Variants in RAB38 observed in about 807,000 individuals in gnomAD.
RAB38 encodes ras-related protein Rab-38.
A neutral mutation model predicts 18.4 loss-of-function variants in RAB38; 15 were observed. The observed-to-expected ratio is 0.82, with a 90% confidence interval of 0.55 to 1.26. The LOEUF (loss-of-function observed/expected upper bound fraction) is 1.26. Among genes scored for constraint, RAB38 ranks in the 50% most tolerant of loss-of-function variants. The probability of loss-of-function intolerance (pLI) is 0.00; values close to 1 mark genes in which losing one functional copy is unlikely to be tolerated. For missense variants in RAB38, 294 were observed against 267.4 expected, an observed-to-expected ratio of 1.10 and a Z score of -0.69; for synonymous variants, 101 against 104.4, an observed-to-expected ratio of 0.97 and a Z score of 0.20.
the RAB38 span, among the ~76,000 whole-genome samples, chr11:87,953,570 T>A: frequency 6.6e-6 from 1 of 152,212 alleles, no homozygotes; most frequent in African/African-American, 2.4e-5. Flanking sequence ...TATAATTGTT[T>A]ACATTATTAT....
chr11:87,848,982 C>T, the RAB38 span, among the ~76,000 whole-genome samples: 1 of 152,030 alleles, frequency 6.6e-6, no homozygotes, highest in African/African-American at 2.4e-5. Flanking sequence ...TGTCCATAGC[C>T]TGCTTGTTAC....
the RAB38 span, among the ~76,000 whole-genome samples, chr11:88,023,149 T>C: frequency 1.3e-5 from 2 of 151,444 alleles, no homozygotes; most frequent in Non-Finnish European, 2.9e-5. Context: ...CCCCTAAACA[T>C]AAAAGTTAAA....
At chr11:88,013,480 G>A in the RAB38 span, among the ~76,000 whole-genome samples, 1 of 152,088 alleles carries the variant, frequency 6.6e-6, no homozygotes, top group Admixed American at 6.6e-5. Flanking sequence ...GGAACAAAAG[G>A]AAAATAACCA....
chr11:87,905,560 C>G, the RAB38 span, among the ~76,000 whole-genome samples: 1 of 151,866 alleles, frequency 6.6e-6, no homozygotes, highest in African/African-American at 2.4e-5. Context: ...TACATTTGGA[C>G]TAGAGTAGCC....
At chr11:87,804,972 C>T in the RAB38 span, among the ~76,000 whole-genome samples, 4 of 152,182 alleles carry the variant, frequency 2.6e-5, no homozygotes, top group African/African-American at 9.6e-5. Context: ...CTCAATATCT[C>T]AGCCTTGTGA....
the RAB38 span, among the ~76,000 whole-genome samples, chr11:88,052,446 G>A: frequency 6.6e-6 from 1 of 152,006 alleles, no homozygotes; most frequent in African/African-American, 2.4e-5. Context: ...TTTAATGTAT[G>A]CATTGAATCA....
At chr11:88,163,643 G>T (rs1943213374) in intron 1 of RAB38, among the ~76,000 whole-genome samples, 1 of 152,050 alleles carries the variant, frequency 6.6e-6, no homozygotes, top group Non-Finnish European at 1.5e-5. Flanking sequence ...TGGCATAAAA[G>T]GTAAATATTG....
At chr11:87,873,882 A>ATGTG in the RAB38 span, among the ~76,000 whole-genome samples, 68 of 104,644 alleles carry the variant, frequency 6.5e-4, 2 homozygotes, top group Admixed American at 1.3e-3. Context: ...GTGTGTATAT[A>ATGTG]TATGTGTGTG....
At chr11:87,976,339 A>G in the RAB38 span, among the ~76,000 whole-genome samples, 1 of 143,482 alleles carries the variant, frequency 7.0e-6, no homozygotes. Flanking sequence ...ATATGTAGGT[A>G]TATATATAAA....
At chr11:88,172,451 A>G (rs1943320911) in intron 1 of RAB38, among the ~76,000 whole-genome samples, 2 of 152,220 alleles carry the variant, frequency 1.3e-5, no homozygotes, top group African/African-American at 4.8e-5. Context: ...AATGAGTATC[A>G]AGAGTCTAGC....
rs563815532 is a variant in RAB38 at position 88,146,865 on chromosome 11, T to C, written c.483+2810A>G. 4.6e-5 allele frequency among the ~76,000 whole-genome samples: 7 copies of C among 152,338 alleles called. 1 individual carries two copies. The South Asian group carries it at 1.4e-3, about 32-fold the overall frequency. On this transcript the variant is annotated intron_variant, in intron 2 of 2. Transcript: ENST00000243662. ...GATTATATTAGCTTGTGAAATCTCA[T>C]GTCCCCCTTCCCCAACACCGTACAA...
At chr11:88,109,276 T>C (rs920654272), downstream of RAB38, among the ~76,000 whole-genome samples, 9 of 152,134 alleles carry the variant, frequency 5.9e-5, no homozygotes, top group African/African-American at 1.7e-4. Flanking sequence ...GCGGAAAGGA[T>C]TCCCTATTTA....
the RAB38 span, among the ~76,000 whole-genome samples, chr11:87,859,957 G>A: frequency 2.6e-5 from 4 of 151,988 alleles, no homozygotes; most frequent in South Asian, 2.1e-4. Flanking sequence ...GATGTGTCAT[G>A]TGCCCATCTG....
chr11:87,941,214 G>GATAGATATATATATATATATATATATAT, the RAB38 span, among the ~76,000 whole-genome samples: 1 of 62,552 alleles, frequency 1.6e-5, no homozygotes, highest in Non-Finnish European at 2.8e-5. Context: ...AAATATATGA[G>GATAGATATATATATATATATATATATAT]ATATATATAT....
chr11:87,915,870 C>A, the RAB38 span, among the ~76,000 whole-genome samples: 1 of 152,056 alleles, frequency 6.6e-6, no homozygotes, highest in Non-Finnish European at 1.5e-5. Context: ...GGGAGTCCAC[C>A]CCTCACACCA....
the RAB38 span, among the ~76,000 whole-genome samples, chr11:88,049,110 G>C: frequency 6.6e-6 from 1 of 152,040 alleles, no homozygotes; most frequent in African/African-American, 2.4e-5. Flanking sequence ...AATCCCGCTT[G>C]AAGCAGCCCT....
At chr11:87,814,961 C>T in the RAB38 span, 4 of 152,310 alleles carry the variant, frequency 2.6e-5, no homozygotes, top group African/African-American at 9.7e-5. Context: ...TCTGGATCTC[C>T]TGACCTCGTG....
At chr11:87,857,856 T>C in the RAB38 span, among the ~76,000 whole-genome samples, 1 of 152,184 alleles carries the variant, frequency 6.6e-6, no homozygotes, top group Admixed American at 6.5e-5. Flanking sequence ...GTGCAGAAGC[T>C]CTTTAGTTTA....
At chr11:87,917,222 G>A in the RAB38 span, among the ~76,000 whole-genome samples, 101 of 152,184 alleles carry the variant, frequency 6.6e-4, no homozygotes, top group African/African-American at 2.2e-3. Context: ...TACCTGCACC[G>A]TGCGTGGGGT....
Sources: gnomAD v4.1 joint callset for allele counts (sites outside exome capture counted in the v4.1 genomes callset) on GRCh38, gnomAD v4.1.1 for gene constraint, MANE v1.5 for transcripts, NCBI Gene and HGNC (gene_info 2026-07-23, HGNC 2026-07-21) for gene names.